Variants in HDAC7 observed in about 807,000 individuals in gnomAD.
HDAC7 encodes histone deacetylase 7A.
Under a neutral mutation model 115.5 loss-of-function variants are expected in HDAC7, and 26 were observed. The observed-to-expected ratio is 0.23, with a 90% CI of 0.16 to 0.31. The LOEUF (loss-of-function observed/expected upper bound fraction) is 0.31. HDAC7 is among the 10% of genes least tolerant of loss of function. HDAC7 has a pLI of 1.00. For missense variants in HDAC7, 1,068 were observed against 1,329.0 expected, an observed-to-expected ratio of 0.80 and a Z score of 3.05; for synonymous variants, 564 against 550.9, an observed-to-expected ratio of 1.02 and a Z score of -0.33.
chr12:47,809,446 T>G (rs1417270986), intron 1 of HDAC7, among the ~76,000 whole-genome samples: 1 of 152,182 alleles, frequency 6.6e-6, no homozygotes, highest in Non-Finnish European at 1.5e-5. Flanking sequence ...AATAGTTATA[T>G]TATTTTAATT....
Position 47,783,703 on chromosome 12 carries a change from C to T in HDAC7, c.*138G>A. 1 of 850,858 alleles carries T rather than the reference C, an allele frequency of 1.2e-6. No individual in the cohort carries two copies. The highest frequency in any genetic ancestry group is 1.9e-6 in the Non-Finnish European group (1 of 515,642). The allele number at this position is 850,858 out of a possible 1,614,324, so 52.7% of individuals were successfully genotyped here. Reference sequence around the variant, plus strand: ...TTCTCACGCTCCCTGGGATAACTGTCAAAGCAGGCAGGCTGTTCTCTGGTT... The same window carrying T: ...TTCTCACGCTCCCTGGGATAACTGTTAAAGCAGGCAGGCTGTTCTCTGGTT... On this transcript the variant is annotated 3_prime_UTR_variant, in exon 26 of 26. Transcript: ENST00000080059.
In HDAC7 at chr12:47,798,356, C is replaced by G. The variant is rs2136985333; in HGVS notation, c.350-137G>C. 1 of 802,810 alleles carries G rather than the reference C, an allele frequency of 1.2e-6. No individual in the cohort carries two copies. The highest frequency in any genetic ancestry group is 1.5e-5 in the South Asian group (1 of 64,976). The allele number at this position is 802,810 out of a possible 1,614,324, so 49.7% of individuals were successfully genotyped here. On this transcript the variant is annotated intron_variant, in intron 4 of 25. Coordinates refer to ENST00000080059, the MANE Select transcript of HDAC7 (RefSeq NM_015401.5). The surrounding 1 kb of genome is among the most constrained non-coding windows in gnomAD (Gnocchi z 4.3). ...CTAGGCAAGAGCCAAGCCCGAGGCC[C>G]TACCCCTCCCTAGAGCCTCCAGACA...
rs1301504132 is a variant in HDAC7 at position 47,787,554 on chromosome 12, TTC to T, written c.2453+156_2453+157del. Among the ~76,000 whole-genome samples the T allele has an allele frequency of 3.3e-5, 5 of 152,358 alleles. No individual in the cohort carries two copies. The South Asian group carries it at 8.3e-4, about 25-fold the overall frequency. On this transcript the variant is annotated intron_variant, in intron 21 of 25. Transcript: ENST00000080059. ...AAAGCACCCTTTGACTTTTGCATTCTTCTCTCTGTTTGTCCTATTCTCACTGG... is the reference window on the plus strand; with the variant it reads ...AAAGCACCCTTTGACTTTTGCATTCTTCTCTGTTTGTCCTATTCTCACTGG...
At chr12:47,789,662 A>G in intron 17 of HDAC7, 84 bp from the exon 18 acceptor site, 4 of 1,517,706 alleles carry the variant, frequency 2.6e-6, no homozygotes, top group Non-Finnish European at 3.7e-6. Context: ...TCCAATCTCA[A>G]CCTGGTTCCC....
chr12:47,786,246 C>T (rs1943166924), intron 22 of HDAC7, among the ~76,000 whole-genome samples: 1 of 152,204 alleles, frequency 6.6e-6, no homozygotes. Context: ...GCTTCTCTCT[C>T]CCCTTCCTCT....
At chr12:47,784,496 G>T in intron 24 of HDAC7, 1 of 604,856 alleles carries the variant, frequency 1.7e-6, no homozygotes, top group Non-Finnish European at 2.9e-6. Flanking sequence ...GGCCACCTTT[G>T]ACTCATTCCC....
chr12:47,797,993 G>T lies in HDAC7; in HGVS notation c.461+115C>A, dbSNP rs1943956829. On this transcript the variant is annotated intron_variant, in intron 5 of 25. Transcript: ENST00000080059. This position sits in a 1 kb window ranked among gnomAD's most constrained non-coding sequence, Gnocchi z 5.5. ...GGCATTATGTTTAGAGGAAGGGTAA[G>T]GACTGGTTGTGGCAACTGGGGAGGA... The T allele has an allele frequency of 2.6e-6, 2 of 774,254 alleles. No individual in the cohort carries two copies. The highest frequency in any genetic ancestry group is 1.4e-5 in the South Asian group (1 of 69,186). 48.0% of individuals were successfully genotyped at this position (774,254 alleles called of 1,614,324 possible). A position where few individuals can be genotyped will look rare whatever the true frequency, so the allele number is the denominator to read the frequency against.
intron 1 of HDAC7, among the ~76,000 whole-genome samples, chr12:47,809,334 G>A (rs1307452631): frequency 1.3e-5 from 2 of 152,088 alleles, no homozygotes; most frequent in Non-Finnish European, 2.9e-5. Context: ...GCTGCAGGCC[G>A]AGCGAGATGT....
intron 14 of HDAC7, 23 bp from the exon 15 acceptor site, chr12:47,791,729 C>A: frequency 1.2e-6 from 2 of 1,612,570 alleles, no homozygotes; most frequent in Non-Finnish European, 1.7e-6. Flanking sequence ...CCACAGAGCT[C>A]TGAGCTCATG....
intron 16 of HDAC7, chr12:47,790,841 G>A (rs79620782): frequency 1.6e-5 from 4 of 248,830 alleles, no homozygotes; most frequent in African/African-American, 2.3e-5. Context: ...AAGCACCACC[G>A]TGATGTCACA....
intron 18 of HDAC7, 32 bp downstream of exon 18, chr12:47,789,491 C>A: frequency 6.2e-7 from 1 of 1,611,228 alleles, no homozygotes; most frequent in Non-Finnish European, 8.5e-7. Context: ...TGCCCCCCAC[C>A]TCATCCCACC....
At chr12:47,796,366 C>T in intron 7 of HDAC7, 68 bp from the exon 8 acceptor site, 1 of 1,205,182 alleles carries the variant, frequency 8.3e-7, no homozygotes, top group Non-Finnish European at 1.2e-6. Flanking sequence ...AGCCAGGCCG[C>T]CTGGTGCAGG....
At position 47,798,421 on chromosome 12, in the gene HDAC7, G is replaced by A. The variant is rs1592666601; in HGVS notation, c.349+141C>T. 55 of 810,466 alleles carry A rather than the reference G, an allele frequency of 6.8e-5. No homozygotes were observed. In the East Asian group the frequency reaches 1.5e-3, roughly 22 times the overall value. 50.2% of individuals were successfully genotyped at this position (810,466 alleles called of 1,614,324 possible). ...CACATCCCCCACACATTCACAGGCAGAGCCCAGGCAAGCAGAGGGAAAGCC... is the reference window on the plus strand; with the variant it reads ...CACATCCCCCACACATTCACAGGCAAAGCCCAGGCAAGCAGAGGGAAAGCC... On this transcript the variant is annotated intron_variant, in intron 4 of 25. Transcript: ENST00000080059. The surrounding 1 kb of genome is among the most constrained non-coding windows in gnomAD (Gnocchi z 4.3).
At chr12:47,785,180 G>A in intron 24 of HDAC7, 1 of 571,356 alleles carries the variant, frequency 1.8e-6, no homozygotes, top group Non-Finnish European at 3.1e-6. Context: ...GGTAGGCCCT[G>A]CTGGCTCCAT....
At chr12:47,805,805 G>GCCAGA (rs1347930432) in intron 1 of HDAC7, among the ~76,000 whole-genome samples, 1 of 152,180 alleles carries the variant, frequency 6.6e-6, no homozygotes, top group Non-Finnish European at 1.5e-5. Flanking sequence ...GCCAGGCCAG[G>GCCAGA]CCAGACCAGT....
chr12:47,820,205 G>A (rs1000956636), upstream of HDAC7, among the ~76,000 whole-genome samples: 1 of 151,764 alleles, frequency 6.6e-6, no homozygotes, highest in South Asian at 2.1e-4. This position sits in a 1 kb window ranked among gnomAD's most constrained non-coding sequence, Gnocchi z 4.3. Context: ...GCTCCGAGCC[G>A]TGCACAATTC....
Position 47,793,603 on chromosome 12 carries a change from G to T in HDAC7, c.1459-15C>A. The T allele has an allele frequency of 6.6e-7, 1 of 1,523,846 alleles. No individual in the cohort carries two copies. 94.4% of individuals were successfully genotyped at this position (1,523,846 alleles called of 1,614,324 possible). A position where few individuals can be genotyped will look rare whatever the true frequency, so the allele number is the denominator to read the frequency against. On this transcript the variant is annotated splice_polypyrimidine_tract_variant and intron_variant, in intron 12 of 25. Transcript: ENST00000080059. This position sits in a 1 kb window ranked among gnomAD's most constrained non-coding sequence, Gnocchi z 4.5. ...CAGAGCAACACCTAGGGGAAAGATG[G>T]GGCCTTGGTCTCCAGTGTTTCAGGG...
At position 47,797,625 on chromosome 12, in the gene HDAC7, A is replaced by G. The variant is rs1943928597; in HGVS notation, c.462-126T>C. On this transcript the variant is annotated intron_variant, in intron 5 of 25. Coordinates refer to ENST00000080059, the MANE Select transcript of HDAC7 (RefSeq NM_015401.5). This position sits in a 1 kb window ranked among gnomAD's most constrained non-coding sequence, Gnocchi z 5.5. ...CAGGGCTGGGCAATGTGGGGCTGGT[A>G]GGAATGGGGACCATCTCCAGGTGGC... The G allele has an allele frequency of 1.5e-6, 1 of 663,372 alleles. No homozygotes were observed. The highest frequency in any genetic ancestry group is 2.9e-5 in the Admixed American group (1 of 34,262). 41.1% of individuals were successfully genotyped at this position (663,372 alleles called of 1,614,324 possible).
intron 1 of HDAC7, among the ~76,000 whole-genome samples, chr12:47,805,280 A>G: frequency 1.3e-5 from 2 of 150,674 alleles, no homozygotes; most frequent in African/African-American, 2.4e-5. Flanking sequence ...TGTAGAGACG[A>G]AGTCTTCCCC....
Sources: allele counts gnomAD v4.1 joint callset (sites outside exome capture counted in the v4.1 genomes callset), GRCh38; gene constraint gnomAD v4.1.1; non-coding constraint Gnocchi (gnomAD v3.1); transcripts MANE v1.5; gene names NCBI Gene and HGNC (gene_info 2026-07-23, HGNC 2026-07-21).